NBAS: variants seen among roughly 807,000 people sequenced by gnomAD.
The protein encoded by NBAS is NAG/BC035112 fusion.
NBAS carries 219 observed loss-of-function variants against 302.5 expected under a neutral mutation model. That is an observed-to-expected ratio of 0.72 (90% CI 0.65 to 0.81). The LOEUF (loss-of-function observed/expected upper bound fraction) is 0.81. Ranked by LOEUF, NBAS falls within the 30% of genes least tolerant of loss-of-function variation. The pLI, the probability that NBAS is intolerant of heterozygous loss-of-function variation, is 0.00. For missense variants in NBAS, 2,932 were observed against 2,841.6 expected (o/e 1.03, Z -0.72); for synonymous variants, 1,118 against 1,021.6 (o/e 1.09, Z -1.80).
At chr2:15,062,556 A>G in the NBAS span, among the ~76,000 whole-genome samples, 77,258 of 152,050 alleles carry the variant, frequency 0.51, 21,893 homozygotes, top group Non-Finnish European at 0.62. Flanking sequence ...TTTCTTCTAA[A>G]GGGCATGCAA....
chr2:15,216,383 C>T (rs1464738078), intron 48 of NBAS, among the ~76,000 whole-genome samples: 1 of 151,966 alleles, frequency 6.6e-6, no homozygotes, highest in Non-Finnish European at 1.5e-5. Flanking sequence ...CCTAGGGGGC[C>T]GGAAAAAGTT....
At chr2:15,559,110 T>C (rs548144378) in intron 1 of NBAS, among the ~76,000 whole-genome samples, 3 of 95,882 alleles carry the variant, frequency 3.1e-5, no homozygotes, top group Non-Finnish European at 6.5e-5. Flanking sequence ...CGCGGGACAA[T>C]AGGAGAAAAG....
chr2:15,016,884 T>C, the NBAS span, among the ~76,000 whole-genome samples: 1 of 152,190 alleles, frequency 6.6e-6, no homozygotes, highest in East Asian at 1.9e-4. Context: ...TATATACTTA[T>C]GGTGTACATG....
chr2:15,225,966 A>C (rs1558453714), intron 47 of NBAS, among the ~76,000 whole-genome samples: 1 of 152,212 alleles, frequency 6.6e-6, no homozygotes, highest in Non-Finnish European at 1.5e-5. Context: ...ACTGGGTATC[A>C]CTTGGGAGCT....
At chr2:15,486,605 C>T (rs1488902895) in intron 12 of NBAS, among the ~76,000 whole-genome samples, 1 of 152,190 alleles carries the variant, frequency 6.6e-6, no homozygotes, top group Admixed American at 6.5e-5. Flanking sequence ...CTTCCTACTA[C>T]ATACACATTT....
chr2:15,325,468 T>C (rs879533539), intron 38 of NBAS, among the ~76,000 whole-genome samples: 1 of 152,218 alleles, frequency 6.6e-6, no homozygotes, highest in African/African-American at 2.4e-5. Context: ...GGCTGCTGAC[T>C]GATCAGGATT....
chr2:15,157,435 G>A, the NBAS span, among the ~76,000 whole-genome samples: 1 of 152,158 alleles, frequency 6.6e-6, no homozygotes, highest in East Asian at 1.9e-4. Flanking sequence ...TCATGGCACC[G>A]CTTAGCTGGG....
At chr2:14,905,046 CA>C in the NBAS span, among the ~76,000 whole-genome samples, 10 of 151,058 alleles carry the variant, frequency 6.6e-5, no homozygotes, top group Non-Finnish European at 1.5e-4. Flanking sequence ...GACTCCGTCT[CA>C]AAAAAAAAGA....
intron 42 of NBAS, among the ~76,000 whole-genome samples, chr2:15,279,342 C>T (rs989471032): frequency 6.6e-6 from 1 of 152,090 alleles, no homozygotes; most frequent in Non-Finnish European, 1.5e-5. Context: ...ACTCAAAGTA[C>T]ACAACTGCTC....
chr2:15,255,021 A>G (rs1668528906), intron 44 of NBAS, among the ~76,000 whole-genome samples: 1 of 152,186 alleles, frequency 6.6e-6, no homozygotes, highest in Non-Finnish European at 1.5e-5. Flanking sequence ...GTGCTGCTAT[A>G]AATATGCATG....
At chr2:15,413,801 A>G (rs1676795649) in intron 25 of NBAS, among the ~76,000 whole-genome samples, 1 of 152,204 alleles carries the variant, frequency 6.6e-6, no homozygotes, top group Admixed American at 6.5e-5. Context: ...GACAACACTG[A>G]GAGAAATACA....
intron 21 of NBAS, among the ~76,000 whole-genome samples, chr2:15,454,076 C>T (rs1383492959): frequency 2.0e-5 from 3 of 152,154 alleles, no homozygotes; most frequent in African/African-American, 4.8e-5. Context: ...CACACCCTGT[C>T]TAGTAACAGC....
the NBAS span, among the ~76,000 whole-genome samples, chr2:14,948,025 C>A: frequency 2.0e-5 from 3 of 151,590 alleles, no homozygotes; most frequent in East Asian, 3.9e-4. Context: ...GTTTGCTAGT[C>A]AAATTTGGTT....
At chr2:15,235,987 A>G (rs947083799) in intron 45 of NBAS, among the ~76,000 whole-genome samples, 3 of 152,198 alleles carry the variant, frequency 2.0e-5, no homozygotes, top group East Asian at 1.9e-4. Flanking sequence ...TGTACTGGGT[A>G]TATAATTAAG....
intron 9 of NBAS, among the ~76,000 whole-genome samples, chr2:15,529,364 G>A (rs1245026590): frequency 1.3e-5 from 2 of 151,932 alleles, no homozygotes; most frequent in Admixed American, 6.6e-5. Flanking sequence ...GTGGTGGTGT[G>A]CACCTGTAGT....
the NBAS span, among the ~76,000 whole-genome samples, chr2:14,855,241 G>T: frequency 6.6e-6 from 1 of 151,968 alleles, no homozygotes. Context: ...TAACTGAAGA[G>T]CCCTTATGCA....
At chr2:15,344,892 C>G (rs1673019034) in intron 35 of NBAS, among the ~76,000 whole-genome samples, 1 of 152,150 alleles carries the variant, frequency 6.6e-6, no homozygotes, top group African/African-American at 2.4e-5. Context: ...ATCACATAAA[C>G]AGAACCAATG....
chr2:14,987,472 A>AATATAT, the NBAS span, among the ~76,000 whole-genome samples: 720 of 149,158 alleles, frequency 4.8e-3, 2 homozygotes, highest in African/African-American at 0.013. Context: ...TCTTATGACA[A>AATATAT]ATATATATAT....
the NBAS span, among the ~76,000 whole-genome samples, chr2:14,782,121 TA>T: frequency 2.6e-5 from 4 of 152,246 alleles, no homozygotes; most frequent in African/African-American, 9.6e-5. Flanking sequence ...AAACCCAGGT[TA>T]AAGTTCTTCC....
Sources: allele counts gnomAD v4.1 joint callset (sites outside exome capture counted in the v4.1 genomes callset), GRCh38; gene constraint gnomAD v4.1.1; transcripts MANE v1.5; gene names NCBI Gene and HGNC (gene_info 2026-07-23, HGNC 2026-07-21).